Variants in GJA3 observed in about 807,000 individuals in gnomAD.
The protein encoded by GJA3 is gap junction protein alpha 3.
For missense variants in GJA3, 571 were observed against 620.3 expected, an observed-to-expected ratio of 0.92 and a Z score of 0.84; for synonymous variants, 297 against 292.6, an observed-to-expected ratio of 1.02 and a Z score of -0.15.
intron 1 of GJA3, among the ~76,000 whole-genome samples, chr13:20,148,158 A>C (rs976479281): frequency 1.3e-5 from 2 of 152,032 alleles, no homozygotes; most frequent in Admixed American, 6.5e-5. Context: ...AAGCCTCCCC[A>C]GCAGATGCGG....
At chr13:20,148,562 T>C (rs1468791564) in intron 1 of GJA3, among the ~76,000 whole-genome samples, 6 of 152,188 alleles carry the variant, frequency 3.9e-5, no homozygotes, top group Admixed American at 3.3e-4. Flanking sequence ...CCCAGCCTGA[T>C]ATCACTTTGT....
At chr13:20,158,928 A>AG (rs1158749361) in intron 1 of GJA3, among the ~76,000 whole-genome samples, 1 of 150,780 alleles carries the variant, frequency 6.6e-6, no homozygotes, top group Non-Finnish European at 1.5e-5. Context: ...AAAAAAAAAA[A>AG]AAAAAAAAGA....
At chr13:20,143,669 G>C (rs1958826841) in intron 1 of GJA3, among the ~76,000 whole-genome samples, 1 of 152,212 alleles carries the variant, frequency 6.6e-6, no homozygotes. Context: ...GTTCAGGTGG[G>C]ATTAGAGCAA....
intron 1 of GJA3, among the ~76,000 whole-genome samples, chr13:20,154,338 C>G (rs1958896335): frequency 6.6e-6 from 1 of 152,180 alleles, no homozygotes; most frequent in Non-Finnish European, 1.5e-5. Context: ...TACTTCTTTA[C>G]AGTTGTTCTG....
At chr13:20,150,578 G>C (rs910143855) in intron 1 of GJA3, among the ~76,000 whole-genome samples, 1 of 152,228 alleles carries the variant, frequency 6.6e-6, no homozygotes, top group African/African-American at 2.4e-5. Flanking sequence ...TTTTAACTCT[G>C]TTCTGTTTTC....
chr13:20,144,390 C>T (rs769498801), intron 1 of GJA3, among the ~76,000 whole-genome samples: 7 of 152,212 alleles, frequency 4.6e-5, no homozygotes, highest in Admixed American at 6.5e-5. Flanking sequence ...GTAGAAACAG[C>T]ACGCCCAGAC....
intron 1 of GJA3, 74 bp from the exon 2 acceptor site, chr13:20,143,379 AGCGG>A: frequency 9.4e-7 from 1 of 1,065,168 alleles, no homozygotes; most frequent in Non-Finnish European, 1.3e-6. Context: ...GGGCGGCGGC[AGCGG>A]CCTGGATGGT....
chr13:20,148,024 C>A (rs1473849129), intron 1 of GJA3, among the ~76,000 whole-genome samples: 2 of 152,104 alleles, frequency 1.3e-5, no homozygotes, highest in Admixed American at 6.5e-5. Flanking sequence ...CTGAGCCTCA[C>A]GACTACACTT....
At chr13:20,145,027 A>G (rs1049760557) in intron 1 of GJA3, among the ~76,000 whole-genome samples, 1 of 152,112 alleles carries the variant, frequency 6.6e-6, no homozygotes, top group Non-Finnish European at 1.5e-5. Context: ...CTAATAATAC[A>G]TAAGTTAGCC....
At chr13:20,153,047 T>C (rs1194715583) in intron 1 of GJA3, among the ~76,000 whole-genome samples, 1 of 152,222 alleles carries the variant, frequency 6.6e-6, no homozygotes, top group South Asian at 2.1e-4. Context: ...TCCATTAGCC[T>C]CTTTCATTCC....
In GJA3 at chr13:20,142,425, G is replaced by C. The variant is rs778329845; in HGVS notation, c.864C>G (p.Pro288=). 4 of 1,499,692 alleles carry C rather than the reference G, an allele frequency of 2.7e-6. No individual in the cohort carries two copies. Among genetic ancestry groups the C allele is most frequent in the South Asian group, 2.7e-5 (2 of 74,946 alleles). The allele number at this position is 1,499,692 out of a possible 1,614,324, so 92.9% of individuals were successfully genotyped here. A position where few individuals can be genotyped will look rare whatever the true frequency, so the allele number is the denominator to read the frequency against. ...PLGQARAVGY[P]GAPPPAADFK... Reference sequence around the variant, plus strand: ...AGTCCGCGGCTGGTGGCGGGGCCCCGGGGTAGCCCACGGCGCGGGCCTGTC... The same window carrying C: ...AGTCCGCGGCTGGTGGCGGGGCCCCCGGGTAGCCCACGGCGCGGGCCTGTC... Residue 288 remains proline, a synonymous_variant, in exon 2 of 2, where the codon CCC becomes CCG. Transcript: ENST00000241125.
At chr13:20,157,928 G>C (rs1034310268) in intron 1 of GJA3, among the ~76,000 whole-genome samples, 1 of 151,108 alleles carries the variant, frequency 6.6e-6, no homozygotes, top group Admixed American at 6.6e-5. Context: ...CAATCTCTTG[G>C]GCTCAAATGA....
rs1336972059 is a variant in GJA3, at chr13:20,140,203, A to G, written c.*1778T>C. 1 of 152,180 alleles carries G rather than the reference A, an allele frequency of 6.6e-6. No individual in the cohort carries two copies. The highest frequency in any genetic ancestry group is 1.5e-5 in the Non-Finnish European group (1 of 68,040). 9.4% of individuals were successfully genotyped at this position (152,180 alleles called of 1,614,324 possible). A position where few individuals can be genotyped will look rare whatever the true frequency, so the allele number is the denominator to read the frequency against. ...AATTTCTCTCTTGTCAATCTGGTTG[A>G]GAAAGTCTCTGAGGAGACGTATGGA... On this transcript the variant is annotated 3_prime_UTR_variant, in exon 2 of 2. Coordinates refer to ENST00000241125, the MANE Select transcript of GJA3 (RefSeq NM_021954.4).
intron 1 of GJA3, among the ~76,000 whole-genome samples, chr13:20,153,122 G>A (rs1170733373): frequency 6.6e-6 from 1 of 152,122 alleles, no homozygotes; most frequent in Non-Finnish European, 1.5e-5. Context: ...CCTAGCCTAT[G>A]GTGTTTGGTA....
intron 1 of GJA3, among the ~76,000 whole-genome samples, chr13:20,147,262 C>T (rs1274548434): frequency 2.6e-5 from 4 of 152,178 alleles, no homozygotes; most frequent in Non-Finnish European, 5.9e-5. Context: ...CCGAATCAGC[C>T]CCATCAGCCA....
chr13:20,158,772 C>T (rs941499110), intron 1 of GJA3, among the ~76,000 whole-genome samples: 13 of 151,732 alleles, frequency 8.6e-5, no homozygotes, highest in African/African-American at 2.2e-4. Flanking sequence ...ATTAGCCAGG[C>T]GTGGTGGCGC....
intron 1 of GJA3, among the ~76,000 whole-genome samples, chr13:20,153,097 C>A (rs1456715710): frequency 6.6e-6 from 1 of 152,204 alleles, no homozygotes; most frequent in Admixed American, 6.5e-5. Context: ...ACTGTAATTT[C>A]CAGATACCAC....
intron 1 of GJA3, among the ~76,000 whole-genome samples, chr13:20,151,481 G>C (rs926979089): frequency 3.3e-5 from 5 of 152,262 alleles, no homozygotes; most frequent in African/African-American, 1.2e-4. Context: ...CCATGCTGGC[G>C]GGAAGTCACA....
chr13:20,139,287 G>A lies in GJA3; in HGVS notation c.*2694C>T, dbSNP rs1028983231. The A allele has an allele frequency of 6.6e-6, 1 of 151,918 alleles. No individual in the cohort carries two copies. The highest frequency in any genetic ancestry group is 1.5e-5 in the Non-Finnish European group (1 of 67,958). 9.4% of individuals were successfully genotyped at this position (151,918 alleles called of 1,614,324 possible). A position where few individuals can be genotyped will look rare whatever the true frequency, so the allele number is the denominator to read the frequency against. Reference sequence around the variant, plus strand: ...TAAATATAATACTCAAATGCTATAGGTATAGCATTTGAGTTTTAAAATAGG... The same window carrying A: ...TAAATATAATACTCAAATGCTATAGATATAGCATTTGAGTTTTAAAATAGG... On this transcript the variant is annotated 3_prime_UTR_variant, in exon 2 of 2. Coordinates refer to ENST00000241125, the MANE Select transcript of GJA3 (RefSeq NM_021954.4).
Sources: allele counts gnomAD v4.1 joint callset (sites outside exome capture counted in the v4.1 genomes callset), GRCh38; gene constraint gnomAD v4.1.1; transcripts MANE v1.5; gene names NCBI Gene and HGNC (gene_info 2026-07-23, HGNC 2026-07-21).